BTRC: variants seen among roughly 807,000 people sequenced by gnomAD.
BTRC encodes F-box/WD repeat-containing protein 1A.
Under a neutral mutation model 85.5 loss-of-function variants are expected in BTRC, and 42 were observed. The observed-to-expected ratio is 0.49, with a 90% confidence interval of 0.38 to 0.64. BTRC has a LOEUF of 0.64. BTRC is among the 30% of genes least tolerant of loss of function. The probability of loss-of-function intolerance (pLI) is 0.00; values close to 1 mark genes in which losing one functional copy is unlikely to be tolerated. For synonymous variants in BTRC, 255 were observed against 263.3 expected (o/e 0.97, Z 0.30); for missense variants, 594 against 743.5 (o/e 0.80, Z 2.34).
At chr10:101,389,969 A>G (rs760374736) in intron 1 of BTRC, among the ~76,000 whole-genome samples, 1 of 152,136 alleles carries the variant, frequency 6.6e-6, no homozygotes, top group Non-Finnish European at 1.5e-5. Flanking sequence ...TGTTTTCTCC[A>G]ACTCTGACTT....
intron 1 of BTRC, among the ~76,000 whole-genome samples, chr10:101,404,452 C>T (rs577487475): frequency 2.0e-5 from 3 of 151,914 alleles, no homozygotes; most frequent in African/African-American, 2.4e-5. Context: ...GTAATTTTTG[C>T]GTTATATCCT....
chr10:101,480,567 G>A (rs1231669958), intron 4 of BTRC, among the ~76,000 whole-genome samples: 2 of 151,948 alleles, frequency 1.3e-5, no homozygotes, highest in African/African-American at 4.8e-5. Context: ...TTTTTTAAGG[G>A]CACTAATCCC....
At chr10:101,470,329 C>CTTTTT (rs950644281) in intron 3 of BTRC, among the ~76,000 whole-genome samples, 104 of 94,906 alleles carry the variant, frequency 1.1e-3, no homozygotes, top group Non-Finnish European at 1.5e-3. Context: ...ATTTTTCTTT[C>CTTTTT]TTTTTTTTTT....
intron 4 of BTRC, among the ~76,000 whole-genome samples, chr10:101,497,322 C>T (rs1379204032): frequency 2.0e-5 from 3 of 152,170 alleles, no homozygotes; most frequent in Admixed American, 6.5e-5. Flanking sequence ...ATTTTAGAAT[C>T]GCCAATATTT....
intron 4 of BTRC, among the ~76,000 whole-genome samples, chr10:101,513,198 A>T (rs1371957067): frequency 2.6e-5 from 4 of 152,200 alleles, no homozygotes; most frequent in African/African-American, 9.7e-5. Context: ...AGACCTTTAG[A>T]TTTCTCTACA....
chr10:101,550,280 T>G (rs1328309144), intron 13 of BTRC, among the ~76,000 whole-genome samples: 1 of 152,006 alleles, frequency 6.6e-6, no homozygotes, highest in East Asian at 1.9e-4. Context: ...TTTAATTTAT[T>G]TATTTTTATT....
At chr10:101,487,700 A>C (rs1946025951) in intron 4 of BTRC, among the ~76,000 whole-genome samples, 1 of 152,218 alleles carries the variant, frequency 6.6e-6, no homozygotes, top group Admixed American at 6.5e-5. Flanking sequence ...AGGTGGGGTA[A>C]GCAGGGATCC....
chr10:101,389,660 C>T (rs1400013357), intron 1 of BTRC, among the ~76,000 whole-genome samples: 1 of 127,026 alleles, frequency 7.9e-6, no homozygotes, highest in Non-Finnish European at 1.6e-5. Flanking sequence ...TTCTCTGTTG[C>T]CCAGGCTGGA....
At chr10:101,370,657 C>T (rs1362318634) in intron 1 of BTRC, among the ~76,000 whole-genome samples, 1 of 140,130 alleles carries the variant, frequency 7.1e-6, no homozygotes, top group African/African-American at 2.6e-5. Flanking sequence ...GCAGCCTTGA[C>T]CTCCTGGGCT....
At chr10:101,497,213 C>G (rs1946284776) in intron 4 of BTRC, among the ~76,000 whole-genome samples, 1 of 152,112 alleles carries the variant, frequency 6.6e-6, no homozygotes, top group Admixed American at 6.5e-5. Context: ...GCTTATAGGT[C>G]TTTATCAAAA....
chr10:101,444,054 G>T (rs1944761144), intron 2 of BTRC, among the ~76,000 whole-genome samples: 1 of 152,058 alleles, frequency 6.6e-6, no homozygotes, highest in African/African-American at 2.4e-5. Flanking sequence ...CTGATTTATT[G>T]AGCTAGAGGT....
intron 3 of BTRC, among the ~76,000 whole-genome samples, chr10:101,477,600 C>T (rs765293641): frequency 6.6e-6 from 1 of 152,192 alleles, no homozygotes. Context: ...AGGCATGAGC[C>T]ACTGTGCCCA....
chr10:101,481,970 T>C (rs1021216225), intron 4 of BTRC, among the ~76,000 whole-genome samples: 1 of 152,210 alleles, frequency 6.6e-6, no homozygotes, highest in East Asian at 1.9e-4. Context: ...AAATTTTCTT[T>C]CTTGCAACAG....
At chr10:101,464,825 C>T (rs1265439351) in intron 3 of BTRC, among the ~76,000 whole-genome samples, 1 of 152,106 alleles carries the variant, frequency 6.6e-6, no homozygotes, top group Non-Finnish European at 1.5e-5. Context: ...ATTGCAGTGC[C>T]ATCTGGTTTT....
rs562637779 is a variant in BTRC, at chr10:101,438,286, G to A, written c.156+7834G>A. Among the ~76,000 whole-genome samples the A allele has an allele frequency of 3.4e-3, 511 of 151,800 alleles. 2 individuals carry two copies. The highest frequency in any genetic ancestry group is 0.012 in the African/African-American group (480 of 41,410). On this transcript the variant is annotated intron_variant, in intron 2 of 14. Transcript: ENST00000370187. ...CTAAAAATACAAAAATTAGCCGGGC[G>A]TGGTGGTGGGCGCCTGTAGTCCCAG...
At position 101,550,801 on chromosome 10, in the gene BTRC, G is replaced by T. The variant is rs567542583; in HGVS notation, c.1759G>T (p.Ala587Ser). 5.6e-6 allele frequency: 9 copies of T among 1,614,052 alleles called. No homozygotes were observed. Among genetic ancestry groups the T allele is most frequent in the Non-Finnish European group, 6.8e-6 (8 of 1,179,992 alleles). Residue 587 changes from alanine (A) to serine (S), a missense_variant, in exon 14 of 15, where the codon GCT (alanine) becomes TCT (serine). Around this residue, in one of 4 missense-constraint regions of BTRC, gnomAD observed 56 missense variants for 39.6 expected, o/e 1.41. Transcript: ENST00000370187. The part of the protein sequence containing the change: ...ILIWDFLNDP[A>S]AQAEPPRSPS... ...CATCTGGGACTTCCTAAATGATCCA[G>T]CTGCCCAAGCTGAACCCCCCCGTTC...
intron 4 of BTRC, 102 bp from the exon 5 acceptor site, chr10:101,521,537 A>G (rs1400356459): frequency 8.6e-6 from 7 of 809,794 alleles, no homozygotes; most frequent in Non-Finnish European, 1.4e-5. Context: ...GAGTGGGCTC[A>G]ATCATGTAGA....
Position 101,526,028 on chromosome 10 carries a change from A to G in BTRC, c.572A>G (p.His191Arg). The change falls in exon 6 of 15, where the codon CAT becomes CGT. Residue 191 changes from histidine to arginine, a missense_variant. Transcript: ENST00000370187. The stretch of plus-strand genomic sequence containing the variant: ...CTACTGAAAGCTCGGGGATTGGATC[A>G]TATTGCTGAGAACATTCTGTCATAC... Reference protein sequence around the residue: ...ITALPARGLDHIAENILSYLD... With the variant: ...ITALPARGLDRIAENILSYLD... 2 of 1,614,080 alleles carry G rather than the reference A, an allele frequency of 1.2e-6. No homozygotes were observed. The highest frequency in any genetic ancestry group is 1.7e-6 in the Non-Finnish European group (2 of 1,179,990).
chr10:101,466,282 C>T (rs2134183772), intron 3 of BTRC, among the ~76,000 whole-genome samples: 1 of 152,272 alleles, frequency 6.6e-6, no homozygotes, highest in South Asian at 2.1e-4. Context: ...GCTCTCTCAA[C>T]TCTCTGAAAG....
Sources: allele counts gnomAD v4.1 joint callset (sites outside exome capture counted in the v4.1 genomes callset), GRCh38; gene constraint gnomAD v4.1.1; regional missense constraint gnomAD v4.1.1; transcripts MANE v1.5; gene names NCBI Gene and HGNC (gene_info 2026-07-23, HGNC 2026-07-21).